Variants in PLEKHG1 observed in about 807,000 individuals in gnomAD.
PLEKHG1 encodes pleckstrin homology and RhoGEF domain containing G1, also known as pleckstrin homology domain-containing family G member 1.
Under a neutral mutation model 100.8 loss-of-function variants are expected in PLEKHG1, and 44 were observed. That is an observed-to-expected ratio of 0.44 (90% confidence interval 0.34 to 0.56). The LOEUF (loss-of-function observed/expected upper bound fraction) is 0.56, where lower values mean the gene tolerates loss of function less well. Among genes scored for constraint, PLEKHG1 ranks in the 20% least tolerant of loss-of-function variants. The pLI is 0.01. For synonymous variants in PLEKHG1, 640 were observed against 662.5 expected (o/e 0.97, Z 0.52); for missense variants, 1,545 against 1,720.9 (o/e 0.90, Z 1.81).
intron 1 of PLEKHG1, among the ~76,000 whole-genome samples, chr6:150,608,957 T>C (rs934941648): frequency 1.4e-4 from 21 of 152,256 alleles, no homozygotes; most frequent in Admixed American, 1.3e-3. Context: ...GGTATCTTAT[T>C]GTGTTTACTG....
At chr6:150,674,146 ACT>A (rs1779663365) in intron 3 of PLEKHG1, among the ~76,000 whole-genome samples, 1 of 151,900 alleles carries the variant, frequency 6.6e-6, no homozygotes, top group African/African-American at 2.4e-5. Context: ...TTCTTAGTCT[ACT>A]CTCTGTTATA....
At chr6:150,620,524 G>A (rs903531429) in intron 1 of PLEKHG1, among the ~76,000 whole-genome samples, 9 of 152,320 alleles carry the variant, frequency 5.9e-5, no homozygotes, top group South Asian at 2.1e-4. Context: ...TATGGCCATC[G>A]GGCCCTCCAC....
chr6:150,630,095 G>T (rs796939577), intron 1 of PLEKHG1, among the ~76,000 whole-genome samples: 1 of 152,164 alleles, frequency 6.6e-6, no homozygotes, highest in Admixed American at 6.5e-5. Context: ...TGCCCACAGT[G>T]CTCTCTTTAA....
intron 1 of PLEKHG1, among the ~76,000 whole-genome samples, chr6:150,615,500 T>C (rs1777035526): frequency 6.6e-6 from 1 of 152,232 alleles, no homozygotes; most frequent in Non-Finnish European, 1.5e-5. Flanking sequence ...ACCTGGTTTA[T>C]TTCTCATTTT....
At chr6:150,817,246 G>C (rs571106397) in intron 10 of PLEKHG1, among the ~76,000 whole-genome samples, 1 of 152,208 alleles carries the variant, frequency 6.6e-6, no homozygotes, top group Non-Finnish European at 1.5e-5. Context: ...CACCCACCTA[G>C]TGAAGTGCCT....
chr6:150,629,850 A>G (rs975727101), intron 1 of PLEKHG1, among the ~76,000 whole-genome samples: 3 of 152,198 alleles, frequency 2.0e-5, no homozygotes, highest in Admixed American at 2.0e-4. Context: ...TAATAATGAT[A>G]ATTAGTTATC....
At chr6:150,685,143 T>A (rs1780074725) in intron 3 of PLEKHG1, among the ~76,000 whole-genome samples, 1 of 151,986 alleles carries the variant, frequency 6.6e-6, no homozygotes, top group African/African-American at 2.4e-5. Context: ...CTTCAAGATC[T>A]CTCCTTAACC....
intron 1 of PLEKHG1, among the ~76,000 whole-genome samples, chr6:150,608,593 A>G (rs527392247): frequency 3.3e-5 from 5 of 152,358 alleles, no homozygotes; most frequent in South Asian, 2.1e-4. Context: ...ACTATATGCC[A>G]TATCTTTAAT....
chr6:150,806,901 AC>A (rs149371962), intron 7 of PLEKHG1, among the ~76,000 whole-genome samples: 1 of 151,720 alleles, frequency 6.6e-6, no homozygotes, highest in African/African-American at 2.4e-5. Flanking sequence ...TAAATTGTGC[AC>A]CATTCTGAGT....
At chr6:150,835,403 G>C (rs1158719130) in intron 15 of PLEKHG1, among the ~76,000 whole-genome samples, 1 of 152,124 alleles carries the variant, frequency 6.6e-6, no homozygotes, top group Non-Finnish European at 1.5e-5. Flanking sequence ...AGCAACATCA[G>C]AAACATTTAT....
chr6:150,627,520 C>A (rs1298121468), intron 1 of PLEKHG1, among the ~76,000 whole-genome samples: 1 of 151,966 alleles, frequency 6.6e-6, no homozygotes, highest in Non-Finnish European at 1.5e-5. Flanking sequence ...AAAAAAAAAT[C>A]AACACCAACA....
At chr6:150,630,816 C>T (rs542073325) in intron 1 of PLEKHG1, among the ~76,000 whole-genome samples, 1 of 152,162 alleles carries the variant, frequency 6.6e-6, no homozygotes, top group Non-Finnish European at 1.5e-5. Context: ...CAGGGCACCC[C>T]AGCACTTGGA....
intron 10 of PLEKHG1, among the ~76,000 whole-genome samples, chr6:150,814,633 C>T (rs193158601): frequency 6.7e-6 from 1 of 149,620 alleles, no homozygotes; most frequent in East Asian, 2.0e-4. Flanking sequence ...AGTACATGAC[C>T]AAGCCTGGAT....
chr6:150,827,678 G>A (rs533847530), intron 14 of PLEKHG1: 25 of 955,418 alleles, frequency 2.6e-5, no homozygotes, highest in Admixed American at 5.1e-5. Flanking sequence ...GGACCCCAAC[G>A]CAGACACTGA....
At chr6:150,618,880 A>T (rs750974088) in intron 1 of PLEKHG1, among the ~76,000 whole-genome samples, 2 of 152,152 alleles carry the variant, frequency 1.3e-5, no homozygotes, top group African/African-American at 4.8e-5. Context: ...GGCATTCGAG[A>T]CTAGCTTGGA....
intron 1 of PLEKHG1, among the ~76,000 whole-genome samples, chr6:150,728,979 CACAAAT>C (rs1296284572): frequency 3.0e-4 from 46 of 152,208 alleles, no homozygotes; most frequent in African/African-American, 1.1e-3. Flanking sequence ...TATTTCAATA[CACAAAT>C]ACAAAAATTA....
At chr6:150,677,293 C>G (rs1249533283) in intron 3 of PLEKHG1, among the ~76,000 whole-genome samples, 2 of 151,702 alleles carry the variant, frequency 1.3e-5, no homozygotes, top group South Asian at 4.2e-4. Flanking sequence ...TATACACACA[C>G]ACACACACAC....
At chr6:150,732,731 C>T (rs1345939594) in intron 1 of PLEKHG1, among the ~76,000 whole-genome samples, 3 of 152,170 alleles carry the variant, frequency 2.0e-5, no homozygotes, top group Non-Finnish European at 2.9e-5. Flanking sequence ...AATTCTTGTG[C>T]GTCAGCTTCC....
At chr6:150,649,495 A>T (rs1778628394) in intron 2 of PLEKHG1, among the ~76,000 whole-genome samples, 1 of 152,248 alleles carries the variant, frequency 6.6e-6, no homozygotes, top group Non-Finnish European at 1.5e-5. Flanking sequence ...TTTCTTCATG[A>T]AGATACCCAG....
Sources: allele counts gnomAD v4.1 joint callset (sites outside exome capture counted in the v4.1 genomes callset), GRCh38; gene constraint gnomAD v4.1.1; transcripts MANE v1.5; gene names NCBI Gene and HGNC (gene_info 2026-07-23, HGNC 2026-07-21).